The following LRRC4C variants were observed in gnomAD, a reference collection of about 807,000 sequenced individuals.
LRRC4C encodes the protein leucine rich repeat containing 4C.
Under a neutral mutation model 33.6 loss-of-function variants are expected in LRRC4C, and 5 were observed. The observed-to-expected ratio is 0.15, with a 90% CI of 0.08 to 0.31. LRRC4C has a LOEUF of 0.31. Ranked by LOEUF, LRRC4C falls within the 10% of genes least tolerant of loss-of-function variation. LRRC4C has a pLI of 1.00. For synonymous variants in LRRC4C, 329 were observed against 302.0 expected (o/e 1.09, Z -0.93); for missense variants, 560 against 796.7 (o/e 0.70, Z 3.58).
intron 1 of LRRC4C, among the ~76,000 whole-genome samples, chr11:40,963,768 T>C (rs1294369217): frequency 6.6e-6 from 1 of 151,792 alleles, no homozygotes; most frequent in South Asian, 2.1e-4. Context: ...AATATTGGGA[T>C]AGAGATGGGG....
chr11:40,267,512 C>T (rs1183101232), intron 4 of LRRC4C, among the ~76,000 whole-genome samples: 4 of 152,060 alleles, frequency 2.6e-5, no homozygotes, highest in East Asian at 3.9e-4. Flanking sequence ...CCACCACACC[C>T]GGCTAATTTT....
At chr11:40,219,555 T>C (rs576668928) in intron 5 of LRRC4C, among the ~76,000 whole-genome samples, 1 of 152,308 alleles carries the variant, frequency 6.6e-6, no homozygotes, top group Non-Finnish European at 1.5e-5. Flanking sequence ...ATTATTTCCC[T>C]TTAAAAAGTC....
chr11:40,237,074 T>C (rs899422483), intron 5 of LRRC4C, among the ~76,000 whole-genome samples: 1 of 152,190 alleles, frequency 6.6e-6, no homozygotes, highest in Non-Finnish European at 1.5e-5. Flanking sequence ...AGACTATATA[T>C]CAACCTACTA....
chr11:40,910,702 G>C (rs979158028), intron 2 of LRRC4C, among the ~76,000 whole-genome samples: 1 of 152,166 alleles, frequency 6.6e-6, no homozygotes, highest in African/African-American at 2.4e-5. Flanking sequence ...AGTGGGTGCA[G>C]GACAGTGGGT....
At chr11:41,005,754 T>C (rs771203626) in intron 1 of LRRC4C, among the ~76,000 whole-genome samples, 1 of 152,226 alleles carries the variant, frequency 6.6e-6, no homozygotes, top group African/African-American at 2.4e-5. Context: ...CAGATATTTG[T>C]ACTATATTTA....
intron 2 of LRRC4C, among the ~76,000 whole-genome samples, chr11:40,748,098 A>T (rs555923921): frequency 6.6e-6 from 1 of 152,158 alleles, no homozygotes; most frequent in South Asian, 2.1e-4. Context: ...CTTCTTTACC[A>T]TATAATATAG....
At chr11:40,622,622 T>C (rs1962560952) in intron 3 of LRRC4C, among the ~76,000 whole-genome samples, 1 of 151,912 alleles carries the variant, frequency 6.6e-6, no homozygotes, top group South Asian at 2.1e-4. Context: ...AACCATACTT[T>C]AGAAGACAAT....
intron 1 of LRRC4C, among the ~76,000 whole-genome samples, chr11:41,214,470 G>A (rs772543758): frequency 6.7e-6 from 1 of 149,948 alleles, no homozygotes; most frequent in African/African-American, 2.5e-5. Context: ...GATGGCTCAC[G>A]CCTGTAATCC....
intron 1 of LRRC4C, among the ~76,000 whole-genome samples, chr11:41,127,849 C>T (rs574205065): frequency 1.8e-4 from 27 of 152,220 alleles, no homozygotes; most frequent in African/African-American, 6.5e-4. Context: ...GACAGACGTG[C>T]ATTGTGAACA....
At chr11:40,687,812 T>C (rs1355084014) in intron 2 of LRRC4C, among the ~76,000 whole-genome samples, 1 of 152,110 alleles carries the variant, frequency 6.6e-6, no homozygotes, top group Non-Finnish European at 1.5e-5. Context: ...AAGCTTCATA[T>C]TTATTCATTA....
At chr11:41,136,683 G>A (rs958555878) in intron 1 of LRRC4C, among the ~76,000 whole-genome samples, 17 of 152,028 alleles carry the variant, frequency 1.1e-4, no homozygotes, top group South Asian at 4.1e-4. Flanking sequence ...CTCTTTCCAC[G>A]TCTATGCACA....
At chr11:41,345,958 T>C (rs749201214) in intron 1 of LRRC4C, among the ~76,000 whole-genome samples, 35 of 126,656 alleles carry the variant, frequency 2.8e-4, no homozygotes, top group Non-Finnish European at 5.0e-4. Flanking sequence ...CTGATGGCCA[T>C]AGCCTATACA....
At chr11:40,552,742 C>T (rs1957174416) in intron 3 of LRRC4C, among the ~76,000 whole-genome samples, 1 of 152,124 alleles carries the variant, frequency 6.6e-6, no homozygotes, top group Non-Finnish European at 1.5e-5. Context: ...CATGTCCAAA[C>T]TTATGCTGAT....
At chr11:40,984,565 G>A (rs1397667268) in intron 1 of LRRC4C, among the ~76,000 whole-genome samples, 1 of 152,112 alleles carries the variant, frequency 6.6e-6, no homozygotes. Context: ...AATGAGAGAG[G>A]AGAATGGCAT....
intron 1 of LRRC4C, among the ~76,000 whole-genome samples, chr11:40,958,160 T>G (rs1306420300): frequency 6.6e-6 from 1 of 151,676 alleles, no homozygotes; most frequent in African/African-American, 2.4e-5. Context: ...GAATCCTAGA[T>G]TCTAGAACTG....
At chr11:40,644,099 T>C (rs1942290566) in intron 3 of LRRC4C, among the ~76,000 whole-genome samples, 1 of 152,106 alleles carries the variant, frequency 6.6e-6, no homozygotes, top group Non-Finnish European at 1.5e-5. Context: ...CTTATAAAAA[T>C]TAATTCAAAA....
At chr11:40,607,280 G>A (rs1204683456) in intron 3 of LRRC4C, among the ~76,000 whole-genome samples, 1 of 152,132 alleles carries the variant, frequency 6.6e-6, no homozygotes, top group African/African-American at 2.4e-5. Context: ...TGGGGTCCCT[G>A]GTGAGGGCTT....
chr11:40,154,476 A>G (rs1858512169), intron 5 of LRRC4C, among the ~76,000 whole-genome samples: 1 of 152,130 alleles, frequency 6.6e-6, no homozygotes, highest in South Asian at 2.1e-4. Context: ...GACTCACCTA[A>G]CACATAAAGA....
intron 5 of LRRC4C, among the ~76,000 whole-genome samples, chr11:40,190,617 C>T (rs1478181524): frequency 6.6e-6 from 1 of 152,136 alleles, no homozygotes; most frequent in Non-Finnish European, 1.5e-5. Context: ...CTTAGATATG[C>T]TTTGAACACG....
Sources: allele counts gnomAD v4.1 joint callset (sites outside exome capture counted in the v4.1 genomes callset), GRCh38; gene constraint gnomAD v4.1.1; transcripts MANE v1.5; gene names NCBI Gene and HGNC (gene_info 2026-07-23, HGNC 2026-07-21).